Variants in ACYP2 observed in about 807,000 individuals in gnomAD.
The protein encoded by ACYP2 is acylphosphatase-2.
Under a neutral mutation model 11.2 loss-of-function variants are expected in ACYP2, and 12 were observed. The ratio of observed to expected loss-of-function variants is 1.08; its 90% CI spans 0.69 to 1.74. ACYP2 has a LOEUF of 1.74. Among genes scored for constraint, ACYP2 ranks in the 40% most tolerant of loss-of-function variants. The probability of loss-of-function intolerance (pLI) is 0.00; values close to 1 mark genes in which losing one functional copy is unlikely to be tolerated. For missense variants in ACYP2, 134 were observed against 101.9 expected, an observed-to-expected ratio of 1.31 and a Z score of -1.35; for synonymous variants, 43 against 32.2, an observed-to-expected ratio of 1.33 and a Z score of -1.13.
chr2:54,194,790 T>C (rs1481253326), intron 6 of ACYP2, among the ~76,000 whole-genome samples: 2 of 152,224 alleles, frequency 1.3e-5, no homozygotes, highest in East Asian at 3.8e-4. Flanking sequence ...AGGTTAGGAA[T>C]GAACTGTTTC....
In ACYP2 at chr2:54,266,590, CTTTTTTTTTTTTT is replaced by C. The variant is rs138812389; in HGVS notation, c.405-38077_405-38065del. Among the ~76,000 whole-genome samples the C allele has an allele frequency of 4.8e-4, 25 of 52,238 alleles. 1 individual carries two copies. The highest frequency in any genetic ancestry group is 1.7e-3 in the Admixed American group (5 of 2,932). 34.3% of individuals were successfully genotyped at this position (52,238 alleles called of 152,430 possible). On this transcript the variant is annotated intron_variant, in intron 6 of 6. Coordinates refer to ENST00000607452, the MANE Select transcript of ACYP2 (RefSeq NM_001320586.2). ...TAGATAGATATAGATATCTATCTAT[CTTTTTTTTTTTTT>C]TTTTTTTTTTTTTTTTTTTTGAGAC...
intron 4 of ACYP2, 46 bp downstream of exon 1, chr2:54,115,802 A>T (rs912435685): frequency 2.0e-6 from 3 of 1,534,308 alleles, no homozygotes; most frequent in Non-Finnish European, 2.6e-6. Context: ...TTATGGGAGG[A>T]AGGGGAGAAA....
chr2:54,017,203 A>C (rs10202303), intron 2 of ACYP2, among the ~76,000 whole-genome samples: 1,583 of 151,720 alleles, frequency 0.01, 27 homozygotes, highest in African/African-American at 0.037. Flanking sequence ...CTCAGGTCTT[A>C]ATTACCTCCT....
chr2:54,193,281 A>T (rs1684313841), intron 6 of ACYP2, among the ~76,000 whole-genome samples: 2 of 152,222 alleles, frequency 1.3e-5, no homozygotes, highest in Admixed American at 6.5e-5. Flanking sequence ...CTGAATACTT[A>T]TGTATCTGTT....
chr2:54,033,968 T>A (rs1385376103), intron 2 of ACYP2, among the ~76,000 whole-genome samples: 1 of 152,266 alleles, frequency 6.6e-6, no homozygotes, highest in East Asian at 1.9e-4. Context: ...TACAGTTATG[T>A]GTCACATAAT....
In ACYP2 at chr2:54,255,868, G is replaced by T. The variant is rs372159200; in HGVS notation, c.405-48820G>T. On this transcript the variant is annotated intron_variant, in intron 6 of 6. Coordinates refer to ENST00000607452, the MANE Select transcript of ACYP2 (RefSeq NM_001320586.2). ...GGCAGAGGCCGCTTCTAGGCCCTCC[G>T]CGGGTGGTGGAGTCACTTCCTGCCC... 20 of 1,613,836 alleles carry T rather than the reference G, an allele frequency of 1.2e-5. 1 individual carries two copies. Among genetic ancestry groups the T allele is most frequent in the Middle Eastern group, 3.3e-4 (2 of 6,080 alleles).
intron 6 of ACYP2, among the ~76,000 whole-genome samples, chr2:54,234,987 C>G (rs1204982235): frequency 6.6e-6 from 1 of 152,138 alleles, no homozygotes; most frequent in Non-Finnish European, 1.5e-5. Flanking sequence ...CATTTTATGA[C>G]AAGTTAGCAT....
chr2:54,233,691 A>C (rs955956491), intron 6 of ACYP2, among the ~76,000 whole-genome samples: 2 of 152,084 alleles, frequency 1.3e-5, no homozygotes, highest in African/African-American at 4.8e-5. Flanking sequence ...ACTTTCTGTC[A>C]CTACAGATTA....
At chr2:53,982,539 A>G (rs1671817657) in intron 2 of ACYP2, among the ~76,000 whole-genome samples, 1 of 152,192 alleles carries the variant, frequency 6.6e-6, no homozygotes, top group South Asian at 2.1e-4. Context: ...GCTGGGGTTT[A>G]CCTATATCTT....
chr2:54,055,933 T>C (rs1676121668), intron 3 of ACYP2, among the ~76,000 whole-genome samples: 1 of 152,198 alleles, frequency 6.6e-6, no homozygotes, highest in Admixed American at 6.5e-5. Flanking sequence ...TACTGTAATA[T>C]AGTAGTACTG....
intron 3 of ACYP2, chr2:54,051,565 C>T: frequency 1.3e-6 from 1 of 743,142 alleles, no homozygotes; most frequent in Non-Finnish European, 2.5e-6. Context: ...TTGGCCTGTC[C>T]ATTGGTGATG....
chr2:54,239,607 A>T (rs755811501), intron 6 of ACYP2, among the ~76,000 whole-genome samples: 3 of 152,214 alleles, frequency 2.0e-5, no homozygotes, highest in Non-Finnish European at 4.4e-5. Flanking sequence ...AGGCTGTGCC[A>T]TATGTCCTTG....
At chr2:54,229,679 T>C (rs975916972) in intron 6 of ACYP2, among the ~76,000 whole-genome samples, 1 of 152,220 alleles carries the variant, frequency 6.6e-6, no homozygotes, top group Admixed American at 6.5e-5. Flanking sequence ...ATTGCCTCCA[T>C]ATTTTATAAC....
chr2:54,266,774 T>A (rs1271253137), intron 6 of ACYP2, among the ~76,000 whole-genome samples: 1 of 151,176 alleles, frequency 6.6e-6, no homozygotes, highest in South Asian at 2.1e-4. Context: ...CCTGGCTAAT[T>A]TTTTTGTATT....
chr2:54,194,289 C>T lies in ACYP2; in HGVS notation c.404+55541C>T, dbSNP rs187209613. Among the ~76,000 whole-genome samples, 27 of 152,278 alleles carry T rather than the reference C, an allele frequency of 1.8e-4. No individual in the cohort carries two copies. The East Asian group carries it at 4.6e-3, about 26-fold the overall frequency. On this transcript the variant is annotated intron_variant, in intron 6 of 6. Transcript: ENST00000607452. ...TCCTGACCTCAAGTGATCCACCTGC[C>T]TTGGGCTCCTAAAGTGCTGGGATTA...
chr2:54,301,008 C>T (rs1431027478), intron 6 of ACYP2, among the ~76,000 whole-genome samples: 1 of 152,142 alleles, frequency 6.6e-6, no homozygotes, highest in Non-Finnish European at 1.5e-5. Flanking sequence ...CTTTCCCTTT[C>T]ATTTGCTTGT....
chr2:54,147,830 G>A (rs1206194437), intron 6 of ACYP2, among the ~76,000 whole-genome samples: 1 of 151,946 alleles, frequency 6.6e-6, no homozygotes, highest in African/African-American at 2.4e-5. Flanking sequence ...TGGCCCCTCT[G>A]TTTTCCTACT....
At chr2:53,976,448 C>T (rs1260733991) in intron 2 of ACYP2, among the ~76,000 whole-genome samples, 1 of 152,192 alleles carries the variant, frequency 6.6e-6, no homozygotes, top group Non-Finnish European at 1.5e-5. Flanking sequence ...CTCAAGCAAT[C>T]TGCCCGCCTC....
intron 2 of ACYP2, among the ~76,000 whole-genome samples, chr2:54,010,288 A>G (rs1006272287): frequency 7.9e-5 from 12 of 152,292 alleles, no homozygotes; most frequent in African/African-American, 2.6e-4. Context: ...GGTCAAGACC[A>G]TCCTGGCCAA....
Sources: gnomAD v4.1 joint callset for allele counts (sites outside exome capture counted in the v4.1 genomes callset) on GRCh38, gnomAD v4.1.1 for gene constraint, MANE v1.5 for transcripts, NCBI Gene and HGNC (gene_info 2026-07-23, HGNC 2026-07-21) for gene names.